Variants in GPR135 observed in about 807,000 individuals in gnomAD.
GPR135 encodes G protein-coupled receptor 135, also known as G-protein coupled receptor 135.
Under a neutral mutation model 15.0 loss-of-function variants are expected in GPR135, and 17 were observed. The observed-to-expected ratio is 1.13, with a 90% confidence interval of 0.78 to 1.70. The LOEUF (loss-of-function observed/expected upper bound fraction) is 1.70, where lower values mean the gene tolerates loss of function less well. Ranked by LOEUF, GPR135 falls within the 40% of genes most tolerant of loss-of-function variation. The pLI is 0.00. For missense variants in GPR135, 776 were observed against 727.0 expected, an observed-to-expected ratio of 1.07 and a Z score of -0.78; for synonymous variants, 368 against 349.4, an observed-to-expected ratio of 1.05 and a Z score of -0.59.
chr14:59,465,270 G>T lies in GPR135; in HGVS notation c.-44C>A. 8.2e-7 allele frequency: 1 copy of T among 1,217,920 alleles called. No homozygotes were observed. The highest frequency in any genetic ancestry group is 3.2e-5 in the East Asian group (1 of 30,908). The allele number at this position is 1,217,920 out of a possible 1,614,324, so 75.4% of individuals were successfully genotyped here. A position where few individuals can be genotyped will look rare whatever the true frequency, so the allele number is the denominator to read the frequency against. ...CGGATCTCCTCATCCCGCACCGGGG[G>T]CGGCGGCCGCTAGGTCGGAGTGGTG... is the stretch of plus-strand genomic sequence containing the variant. On this transcript the variant is annotated 5_prime_UTR_variant, in exon 1 of 1. Coordinates refer to ENST00000395116, the MANE Select transcript of GPR135 (RefSeq NM_022571.6).
downstream of GPR135, among the ~76,000 whole-genome samples, chr14:59,458,478 T>G (rs1888742032): frequency 6.6e-6 from 1 of 152,206 alleles, no homozygotes; most frequent in Non-Finnish European, 1.5e-5. Context: ...TTTTTGAGAA[T>G]GCCTTAGACT....
rs1594896758 is a variant in GPR135 at position 59,464,331 on chromosome 14, TG to T, written c.895del (p.His299ThrfsTer16). The T allele has an allele frequency of 6.2e-7, 1 of 1,610,532 alleles. No homozygotes were observed. On this transcript the variant is annotated frameshift_variant, in exon 1 of 1. Coordinates refer to ENST00000395116, the MANE Select transcript of GPR135 (RefSeq NM_022571.6). LOFTEE classifies it high-confidence loss of function. ...PFLLMCFCHY[H>X]ICKTVRLSDV... ...CGACAGGCGCACCGTCTTGCAGATGTGGTAGTGGCAGAAGCACATGAGCAGG... is the reference window on the plus strand; with the variant it reads ...CGACAGGCGCACCGTCTTGCAGATGTGTAGTGGCAGAAGCACATGAGCAGG...
chr14:59,462,772 A>G lies in GPR135; in HGVS notation c.*970T>C, dbSNP rs2139773063. 6.6e-6 allele frequency: 1 copy of G among 152,296 alleles called. No homozygotes were observed. Among genetic ancestry groups the G allele is most frequent in the East Asian group, 1.9e-4 (1 of 5,190 alleles). The allele number at this position is 152,296 out of a possible 1,614,324, so 9.4% of individuals were successfully genotyped here. A position where few individuals can be genotyped will look rare whatever the true frequency, so the allele number is the denominator to read the frequency against. On this transcript the variant is annotated 3_prime_UTR_variant, in exon 1 of 1. Coordinates refer to ENST00000395116, the MANE Select transcript of GPR135 (RefSeq NM_022571.6). ...GTTGTTTTATAGAGGTCTCATTTTA[A>G]AAAATAATAAAAATTTAAATAAAGT...
At chr14:59,455,842 C>G (rs1888635576), downstream of GPR135, 1 of 152,224 alleles carries the variant, frequency 6.6e-6, no homozygotes, top group Non-Finnish European at 1.5e-5. Context: ...CTGCCACATT[C>G]TGTTCATCAA....
rs1286196382 is a variant in GPR135, at chr14:59,462,493, T to G, written c.*1249A>C. The stretch of plus-strand genomic sequence containing the variant: ...TTCTTCTCCAACTTTATGCCTGTGT[T>G]TTAATACCGTTACATATAGTCCCAC... On this transcript the variant is annotated 3_prime_UTR_variant, in exon 1 of 1. Coordinates refer to ENST00000395116, the MANE Select transcript of GPR135 (RefSeq NM_022571.6). 6.6e-6 allele frequency: 1 copy of G among 152,220 alleles called. No homozygotes were observed. Among genetic ancestry groups the G allele is most frequent in the Non-Finnish European group, 1.5e-5 (1 of 68,020 alleles). The allele number at this position is 152,220 out of a possible 1,614,324, so 9.4% of individuals were successfully genotyped here. A position where few individuals can be genotyped will look rare whatever the true frequency, so the allele number is the denominator to read the frequency against.
At chr14:59,454,288 C>T (rs1257377943) in intron 6 of GPR135, among the ~76,000 whole-genome samples, 1 of 152,208 alleles carries the variant, frequency 6.6e-6, no homozygotes, top group Non-Finnish European at 1.5e-5. Context: ...CACTGGAGTC[C>T]AAGTTCTTCA....
rs1888970070 is a variant in GPR135, at chr14:59,463,927, A to AGCGGTTTCGAAGGCGACT, written c.1282_1299dup (p.Ser428_Arg433dup). ...TTGCAGGCCCCCAGCCGGTTGGCAT[A>AGCGGTTTCGAAGGCGACT]GCGGTTTCGAAGGCGACTGCGGCTT... On this transcript the variant is annotated inframe_insertion, in exon 1 of 1. Transcript: ENST00000395116. The AGCGGTTTCGAAGGCGACT allele has an allele frequency of 1.2e-6, 2 of 1,613,892 alleles. No individual in the cohort carries two copies. Among genetic ancestry groups the AGCGGTTTCGAAGGCGACT allele is most frequent in the South Asian group, 1.1e-5 (1 of 91,070 alleles).
Position 59,463,892 on chromosome 14 carries a change from G to A in GPR135, c.1335C>T (p.Ser445=). 2 of 1,614,130 alleles carry A rather than the reference G, an allele frequency of 1.2e-6. No individual in the cohort carries two copies. The highest frequency in any genetic ancestry group is 1.1e-5 in the South Asian group (1 of 91,074). Reference sequence around the variant, plus strand: ...CCACTCCGCTGGCCGGGTTGGAAGAGGACATCCTGTTGCAGGCCCCCAGCC... The same window carrying A: ...CCACTCCGCTGGCCGGGTTGGAAGAAGACATCCTGTTGCAGGCCCCCAGCC... ...ANRLGACNRM[S]SSNPASGVAG... The change falls in exon 1 of 1, where the codon TCC becomes TCT. Residue 445 remains serine (S), a synonymous_variant. Transcript: ENST00000395116.
At position 59,465,329 on chromosome 14, in the gene GPR135, AGCTGGGCTCG is replaced by A; in HGVS notation, c.-113_-104del. The A allele has an allele frequency of 1.1e-6, 1 of 910,350 alleles. No individual in the cohort carries two copies. 56.4% of individuals were successfully genotyped at this position (910,350 alleles called of 1,614,324 possible). On this transcript the variant is annotated 5_prime_UTR_variant, in exon 1 of 1. Coordinates refer to ENST00000395116, the MANE Select transcript of GPR135 (RefSeq NM_022571.6). Reference sequence around the variant, plus strand: ...CCGGGGGCTAGCGGCCGCCGCGGGGAGCTGGGCTCGGCCGGAGGGGTGGCGGTCGCTGGGG... The same window carrying A: ...CCGGGGGCTAGCGGCCGCCGCGGGGAGCCGGAGGGGTGGCGGTCGCTGGGG...
rs960771620 is a variant in GPR135 at position 59,461,438 on chromosome 14, C to T, written c.*2304G>A. On this transcript the variant is annotated 3_prime_UTR_variant, in exon 1 of 1. Transcript: ENST00000395116. ...TTTATGAACAATTTTCTCTTTTTCC[C>T]CTCCAATTCTTGCCTACCATGACTC... 5.9e-5 allele frequency: 9 copies of T among 152,070 alleles called. No homozygotes were observed. Among genetic ancestry groups the T allele is most frequent in the Admixed American group, 5.9e-4 (9 of 15,284 alleles). 9.4% of individuals were successfully genotyped at this position (152,070 alleles called of 1,614,324 possible). A position where few individuals can be genotyped will look rare whatever the true frequency, so the allele number is the denominator to read the frequency against.
rs1463983349 is a variant in GPR135, at chr14:59,464,206, T to A, written c.1021A>T (p.Ile341Phe). The A allele has an allele frequency of 6.2e-7, 1 of 1,610,718 alleles. No individual in the cohort carries two copies. The highest frequency in any genetic ancestry group is 8.5e-7 in the Non-Finnish European group (1 of 1,179,888). The change falls in exon 1 of 1, where the codon ATC becomes TTC. Residue 341 changes from isoleucine to phenylalanine, a missense_variant. Ile to Phe is a conservative substitution (Grantham distance 21). Transcript: ENST00000395116. Reference sequence around the variant, plus strand: ...AAGCAGTAGGGCCCCCAGCAGCAGATGACGAAGACGATCATGATGAGGACG... The same window carrying A: ...AAGCAGTAGGGCCCCCAGCAGCAGAAGACGAAGACGATCATGATGAGGACG... Reference protein sequence around the residue: ...TTVLIMIVFVICCWGPYCFLV... With the variant: ...TTVLIMIVFVFCCWGPYCFLV...
In GPR135 at chr14:59,464,904, A is replaced by G. The variant is rs1476600538; in HGVS notation, c.323T>C (p.Leu108Pro). 1 of 1,602,458 alleles carries G rather than the reference A, an allele frequency of 6.2e-7. No homozygotes were observed. The highest frequency in any genetic ancestry group is 1.1e-5 in the South Asian group (1 of 89,184). ...CAGCAGGAAGATGAGCAGGAGGACG[A>G]GCGCCTGGGCCGCCACTGCAGCTCC... ...SHGAAVAAQALVLLLIFLLSS... is the reference protein window; with the variant it reads ...SHGAAVAAQAPVLLLIFLLSS... The change falls in exon 1 of 1, where the codon CTC becomes CCC. Residue 108 changes from leucine to proline, a missense_variant. Coordinates refer to ENST00000395116, the MANE Select transcript of GPR135 (RefSeq NM_022571.6).
downstream of GPR135, among the ~76,000 whole-genome samples, chr14:59,459,359 T>C (rs553956500): frequency 5.3e-5 from 8 of 152,316 alleles, no homozygotes; most frequent in South Asian, 1.7e-3. Context: ...CCCTCTATGG[T>C]TCTGAGGTGG....
chr14:59,464,262 C>A lies in GPR135; in HGVS notation c.965G>T (p.Arg322Leu). ...GGCCGTGCGCACCTCGCTGAAGAAG[C>A]GCAGCACGCGCGCGTAGGTGTTCAC... ...RPVNTYARVL[R>L]FFSEVRTATT... Residue 322 changes from arginine (R) to leucine (L), a missense_variant, in exon 1 of 1, where the codon CGC (arginine) becomes CTC (leucine). Arg to Leu is a moderately radical substitution (Grantham distance 102). Coordinates refer to ENST00000395116, the MANE Select transcript of GPR135 (RefSeq NM_022571.6). 1.2e-6 allele frequency: 2 copies of A among 1,612,142 alleles called. No individual in the cohort carries two copies. Among genetic ancestry groups the A allele is most frequent in the Non-Finnish European group, 1.7e-6 (2 of 1,179,894 alleles).
Position 59,464,976 on chromosome 14 carries a change from G to A in GPR135, c.251C>T (p.Ala84Val), listed in dbSNP as rs746406484. 4.0e-5 allele frequency: 59 copies of A among 1,465,590 alleles called. No homozygotes were observed. In the Admixed American group the frequency reaches 8.7e-4, roughly 22 times the overall value. The allele number at this position is 1,465,590 out of a possible 1,614,324, so 90.8% of individuals were successfully genotyped here. ...CTCCGGGCCTAGCGGCCGCCTCACCGCCGCCCCCGCCTCCCGCGCTGCCCC... is the reference window on the plus strand; with the variant it reads ...CTCCGGGCCTAGCGGCCGCCTCACCACCGCCCCCGCCTCCCGCGCTGCCCC... ...GSGAAREAGAAVRRPLGPEAA... is the reference protein window; with the variant it reads ...GSGAAREAGAVVRRPLGPEAA... Residue 84 changes from alanine to valine, a missense_variant, in exon 1 of 1, where the codon GCG (alanine) becomes GTG (valine). Ala to Val is a moderately conservative substitution (Grantham distance 64). Coordinates refer to ENST00000395116, the MANE Select transcript of GPR135 (RefSeq NM_022571.6).
At chr14:59,454,692 G>A (rs1888595332) in intron 6 of GPR135, among the ~76,000 whole-genome samples, 1 of 152,144 alleles carries the variant, frequency 6.6e-6, no homozygotes, top group South Asian at 2.1e-4. Flanking sequence ...GCTTTAAATA[G>A]GAAGGTTTTA....
At chr14:59,459,385 G>T (rs992159710), downstream of GPR135, among the ~76,000 whole-genome samples, 4 of 152,172 alleles carry the variant, frequency 2.6e-5, no homozygotes, top group African/African-American at 7.2e-5. Flanking sequence ...TAATTTTTTT[G>T]TGTTTAGAGA....
At chr14:59,456,043 C>A (rs778567215), downstream of GPR135, among the ~76,000 whole-genome samples, 11 of 152,168 alleles carry the variant, frequency 7.2e-5, no homozygotes, top group Non-Finnish European at 1.3e-4. Flanking sequence ...AGCCCTTATT[C>A]TCCCTTTTCT....
Position 59,464,552 on chromosome 14 carries a change from G to A in GPR135, c.675C>T (p.Arg225=), listed in dbSNP as rs1054681594. Reference sequence around the variant, plus strand: ...AGGCGCCCGCCAGCAGCTGCAGCGCGCGGCGGCGGCCGATCTTCTCCCGCG... The same window carrying A: ...AGGCGCCCGCCAGCAGCTGCAGCGCACGGCGGCGGCCGATCTTCTCCCGCG... ...RPPREKIGRR[R]ALQLLAGAWL... is the part of the protein sequence containing the mutation. Residue 225 remains arginine, a synonymous_variant, in exon 1 of 1, where the codon CGC becomes CGT. Coordinates refer to ENST00000395116, the MANE Select transcript of GPR135 (RefSeq NM_022571.6). 7 of 1,561,054 alleles carry A rather than the reference G, an allele frequency of 4.5e-6. No homozygotes were observed. The African/African-American group carries it at 6.9e-5, about 15-fold the overall frequency.
Sources: allele counts gnomAD v4.1 joint callset (sites outside exome capture counted in the v4.1 genomes callset), GRCh38; gene constraint gnomAD v4.1.1; transcripts MANE v1.5; gene names NCBI Gene and HGNC (gene_info 2026-07-23, HGNC 2026-07-21).